Variants in PARG observed in about 807,000 individuals in gnomAD.
PARG encodes the protein poly(ADP-ribose) glycohydrolase.
A neutral mutation model predicts 113.0 loss-of-function variants in PARG; 35 were observed. The observed-to-expected ratio is 0.31, with a 90% CI of 0.24 to 0.41. The LOEUF is 0.41. Ranked by LOEUF, PARG falls within the 10% of genes least tolerant of loss-of-function variation. PARG has a pLI of 1.00. For missense variants in PARG, 797 were observed against 1,169.4 expected, an observed-to-expected ratio of 0.68 and a Z score of 4.64; for synonymous variants, 330 against 409.9, an observed-to-expected ratio of 0.81 and a Z score of 2.36.
chr10:49,891,493 C>T (rs1444501700), intron 7 of PARG, among the ~76,000 whole-genome samples: 8 of 147,550 alleles, frequency 5.4e-5, no homozygotes, highest in South Asian at 2.1e-4. Flanking sequence ...CTATATGAAA[C>T]GTCTAGGATG....
chr10:49,922,313 C>G, intron 6 of PARG, 23 bp downstream of exon 6: 1 of 1,585,530 alleles, frequency 6.3e-7, no homozygotes, highest in Admixed American at 1.8e-5. Context: ...CATAAACAGG[C>G]AAGCATGGTA....
At position 49,936,517 on chromosome 10, in the gene PARG, T is replaced by C. The variant is rs2132993741; in HGVS notation, c.218-1375A>G. Among the ~76,000 whole-genome samples the C allele has an allele frequency of 2.0e-5, 3 of 152,222 alleles. No individual in the cohort carries two copies. The South Asian group carries it at 6.2e-4, about 32-fold the overall frequency. On this transcript the variant is annotated intron_variant, in intron 1 of 17. Transcript: ENST00000616448. ...GAATTGATAGCTCAGGAGAGGGAGA[T>C]GCAATATAAATAAATACAAGCCACA...
At chr10:49,887,783 T>C (rs1296486857) in intron 7 of PARG, among the ~76,000 whole-genome samples, 2 of 152,306 alleles carry the variant, frequency 1.3e-5, no homozygotes, top group East Asian at 1.9e-4. Flanking sequence ...CCTATCTATA[T>C]TGTTGTCTGA....
At chr10:49,930,020 T>C (rs1734794101) in intron 4 of PARG, among the ~76,000 whole-genome samples, 1 of 151,808 alleles carries the variant, frequency 6.6e-6, no homozygotes, top group Admixed American at 6.6e-5. Context: ...TCCTGATTCA[T>C]CCATCTATAC....
At chr10:49,846,746 ATGTGTGTGTGTG>A (rs35901101) in intron 13 of PARG, among the ~76,000 whole-genome samples, 1 of 149,214 alleles carries the variant, frequency 6.7e-6, no homozygotes, top group Non-Finnish European at 1.5e-5. Flanking sequence ...ACAGTTGTAT[ATGTGTGTGTGTG>A]TGTGTGTGTG....
intron 2 of PARG, 34 bp from the exon 3 acceptor site, chr10:49,934,197 A>C: frequency 2.3e-6 from 2 of 852,802 alleles, no homozygotes; most frequent in South Asian, 3.0e-5. Flanking sequence ...AAAACAACTT[A>C]TAATACAAAA....
chr10:49,877,361 C>T (rs1462352021), intron 9 of PARG, among the ~76,000 whole-genome samples: 1 of 151,806 alleles, frequency 6.6e-6, no homozygotes, highest in Non-Finnish European at 1.5e-5. Flanking sequence ...ATTGTGAATT[C>T]ATTTCTCTGC....
intron 8 of PARG, among the ~76,000 whole-genome samples, chr10:49,883,237 T>G (rs1467791232): frequency 6.6e-6 from 1 of 152,206 alleles, no homozygotes. Flanking sequence ...TTGTGGTTTT[T>G]GGGGTGTCCT....
chr10:49,911,814 G>T (rs544089481), intron 7 of PARG, among the ~76,000 whole-genome samples: 9 of 152,256 alleles, frequency 5.9e-5, no homozygotes, highest in Non-Finnish European at 1.0e-4. Flanking sequence ...AACTCCTCTC[G>T]TTGTAAGGTA....
At chr10:49,868,675 A>C (rs1846641744) in intron 10 of PARG, among the ~76,000 whole-genome samples, 1 of 152,254 alleles carries the variant, frequency 6.6e-6, no homozygotes, top group Non-Finnish European at 1.5e-5. Context: ...TTACCTACTT[A>C]GCACAAAGAA....
chr10:49,838,775 T>C (rs1002097422), intron 15 of PARG, among the ~76,000 whole-genome samples: 1 of 152,122 alleles, frequency 6.6e-6, no homozygotes, highest in African/African-American at 2.4e-5. Context: ...GAATTATAAA[T>C]TAGACTTTAT....
At chr10:49,836,626 T>C (rs1844949217) in intron 15 of PARG, among the ~76,000 whole-genome samples, 1 of 152,132 alleles carries the variant, frequency 6.6e-6, no homozygotes, top group Non-Finnish European at 1.5e-5. Context: ...CTACAAATGA[T>C]ACATTTTGAA....
chr10:49,903,980 G>C (rs1233966002), intron 7 of PARG, among the ~76,000 whole-genome samples: 3 of 152,152 alleles, frequency 2.0e-5, no homozygotes, highest in South Asian at 2.1e-4. Flanking sequence ...GGTCGACTAG[G>C]TGACTCTTAC....
intron 9 of PARG, among the ~76,000 whole-genome samples, chr10:49,878,639 A>T (rs1308834428): frequency 1.3e-5 from 2 of 150,910 alleles, no homozygotes; most frequent in African/African-American, 4.9e-5. Context: ...AAAAAAAAAA[A>T]GTGGTGTTAC....
At chr10:49,846,549 G>C (rs1564609585) in intron 13 of PARG, among the ~76,000 whole-genome samples, 1 of 152,120 alleles carries the variant, frequency 6.6e-6, no homozygotes, top group Non-Finnish European at 1.5e-5. Flanking sequence ...ACTTTTTGCA[G>C]TGGCATGGTT....
At chr10:49,857,214 G>T in intron 13 of PARG, 92 bp downstream of exon 13, 1 of 594,922 alleles carries the variant, frequency 1.7e-6, no homozygotes, top group Non-Finnish European at 3.0e-6. Flanking sequence ...GCCCATGGAA[G>T]ATAAAAGCTA....
In PARG at chr10:49,838,029, G is replaced by A. The variant is rs151246532; in HGVS notation, c.2541+3921C>T. ...GTGATTCAGGCATAAGCATGTAGGA[G>A]ACTATTCTAAAAGCAGAAATATTCT... is the stretch of plus-strand genomic sequence containing the variant. On this transcript the variant is annotated intron_variant, in intron 15 of 17. Coordinates refer to ENST00000616448, the MANE Select transcript of PARG (RefSeq NM_003631.5). Among the ~76,000 whole-genome samples, 231 of 152,320 alleles carry A rather than the reference G, an allele frequency of 1.5e-3. 1 individual carries two copies. The highest frequency in any genetic ancestry group is 5.3e-3 in the African/African-American group (221 of 41,570).
intron 15 of PARG, among the ~76,000 whole-genome samples, chr10:49,838,840 A>G (rs1008941944): frequency 2.6e-4 from 39 of 152,206 alleles, no homozygotes; most frequent in Admixed American, 2.2e-3. Context: ...CTGCATCACT[A>G]TACATTAAAA....
intron 10 of PARG, among the ~76,000 whole-genome samples, chr10:49,868,612 C>T (rs1374901746): frequency 6.6e-6 from 1 of 152,110 alleles, no homozygotes; most frequent in Admixed American, 6.5e-5. Context: ...TATTTTAAGA[C>T]AATCCTATGA....
Sources: allele counts gnomAD v4.1 joint callset (sites outside exome capture counted in the v4.1 genomes callset), GRCh38; gene constraint gnomAD v4.1.1; transcripts MANE v1.5; gene names NCBI Gene and HGNC (gene_info 2026-07-23, HGNC 2026-07-21).